SPECC1: variants seen among roughly 807,000 people sequenced by gnomAD.
SPECC1 encodes the protein sperm antigen with calponin homology and coiled-coil domains 1.
Under a neutral mutation model 104.1 loss-of-function variants are expected in SPECC1, and 62 were observed. The observed-to-expected ratio is 0.60, with a 90% CI of 0.49 to 0.74. The LOEUF is 0.74. SPECC1 is among the 30% of genes least tolerant of loss of function. The pLI, the probability that SPECC1 is intolerant of heterozygous loss-of-function variation, is 0.00. For missense variants in SPECC1, 1,306 were observed against 1,310.5 expected (o/e 1.00, Z 0.05); for synonymous variants, 513 against 501.6 (o/e 1.02, Z -0.30).
intron 3 of SPECC1, among the ~76,000 whole-genome samples, chr17:20,184,316 C>CTTTA (rs901830233): frequency 2.3e-4 from 35 of 152,112 alleles, no homozygotes; most frequent in African/African-American, 7.5e-4. Flanking sequence ...GTGTTTACAC[C>CTTTA]TTTATGTCAT....
chr17:20,267,474 T>C lies in SPECC1; in HGVS notation c.2940+7180T>C, dbSNP rs115627700. Among the ~76,000 whole-genome samples the C allele has an allele frequency of 9.9e-3, 1,502 of 152,236 alleles. 30 individuals carry two copies. Among genetic ancestry groups the C allele is most frequent in the African/African-American group, 0.034 (1,428 of 41,542 alleles). ...AGATAACCCCCATGACTCTCCATGG[T>C]AGAATGTCCTCCTCTTTATATGACA... On this transcript the variant is annotated intron_variant, in intron 12 of 14. Coordinates refer to ENST00000395527, the MANE Select transcript of SPECC1 (RefSeq NM_001243439.2).
At position 20,227,498 on chromosome 17, in the gene SPECC1, A is replaced by G; in HGVS notation, c.1949A>G (p.Lys650Arg). Reference sequence around the variant, plus strand: ...AGAACCAGCCTAAAGCTGCAAGAAAAAGCATCAGAGAGTGATGCAGAGATC... The same window carrying G: ...AGAACCAGCCTAAAGCTGCAAGAAAGAGCATCAGAGAGTGATGCAGAGATC... ...LSRTSLKLQEKASESDAEIKD... is the reference protein window; with the variant it reads ...LSRTSLKLQERASESDAEIKD... Residue 650 changes from lysine to arginine, a missense_variant, in exon 5 of 15, where the codon AAA (lysine) becomes AGA (arginine). Lys to Arg is a conservative substitution (Grantham distance 26). Around this residue, in one of 2 missense-constraint regions of SPECC1, gnomAD observed 1,177 missense variants for 1,139.9 expected, o/e 1.03. Coordinates refer to ENST00000395527, the MANE Select transcript of SPECC1 (RefSeq NM_001243439.2). 1.2e-6 allele frequency: 2 copies of G among 1,613,696 alleles called. No homozygotes were observed. The highest frequency in any genetic ancestry group is 1.7e-6 in the Non-Finnish European group (2 of 1,179,924).
chr17:20,177,885 T>G lies in SPECC1; in HGVS notation c.284-26448T>G, dbSNP rs557123158. Among the ~76,000 whole-genome samples, 21 of 152,126 alleles carry G rather than the reference T, an allele frequency of 1.4e-4. No individual in the cohort carries two copies. In the South Asian group the frequency reaches 4.4e-3, roughly 32 times the overall value. ...CCACCACGCCCGGCTAATTTTTGTA[T>G]TTTTACTAGAGACGGGGTTTCACCA... On this transcript the variant is annotated intron_variant, in intron 3 of 14. Coordinates refer to ENST00000395527, the MANE Select transcript of SPECC1 (RefSeq NM_001243439.2).
intron 4 of SPECC1, among the ~76,000 whole-genome samples, chr17:20,223,395 G>C (rs1598020996): frequency 6.6e-6 from 1 of 152,098 alleles, no homozygotes; most frequent in East Asian, 1.9e-4. Context: ...TTCAATCTCG[G>C]CCGGGTGCGG....
At chr17:20,094,071 A>T (rs1364956885) in intron 1 of SPECC1, among the ~76,000 whole-genome samples, 1 of 152,020 alleles carries the variant, frequency 6.6e-6, no homozygotes, top group Non-Finnish European at 1.5e-5. Context: ...GGATTTGAGG[A>T]GCAGTGTATG....
intron 3 of SPECC1, among the ~76,000 whole-genome samples, chr17:20,170,545 T>A (rs1597873626): frequency 6.6e-6 from 1 of 152,188 alleles, no homozygotes; most frequent in South Asian, 2.1e-4. Context: ...CAGGTATCAC[T>A]GGGACCTTGC....
At chr17:20,075,039 A>T (rs2046703396) in intron 1 of SPECC1, among the ~76,000 whole-genome samples, 1 of 151,998 alleles carries the variant, frequency 6.6e-6, no homozygotes, top group African/African-American at 2.4e-5. Context: ...AGTAGCTGAG[A>T]CTACAGGCGC....
intron 4 of SPECC1, among the ~76,000 whole-genome samples, chr17:20,211,235 T>G (rs1432795818): frequency 5.3e-5 from 8 of 152,180 alleles, no homozygotes; most frequent in African/African-American, 1.9e-4. Context: ...CATGGAGATT[T>G]CAGTCATCTT....
chr17:20,114,044 G>T (rs2152527104), intron 3 of SPECC1, among the ~76,000 whole-genome samples: 2 of 152,126 alleles, frequency 1.3e-5, no homozygotes, highest in Middle Eastern at 3.4e-3. Context: ...CCTACAGTGG[G>T]GAATGAGGAA....
At chr17:20,287,394 G>A (rs551618216) in intron 12 of SPECC1, among the ~76,000 whole-genome samples, 10 of 138,746 alleles carry the variant, frequency 7.2e-5, no homozygotes, top group Middle Eastern at 4.2e-3. Context: ...TCCGCAGTCC[G>A]GCCTGGGCGA....
At chr17:20,271,882 G>A (rs1284838272) in intron 12 of SPECC1, among the ~76,000 whole-genome samples, 3 of 151,458 alleles carry the variant, frequency 2.0e-5, no homozygotes, top group African/African-American at 7.3e-5. Flanking sequence ...GGTTTCTTTA[G>A]GTATAAGATT....
chr17:20,199,955 G>A (rs530660259), intron 3 of SPECC1, among the ~76,000 whole-genome samples: 1 of 152,140 alleles, frequency 6.6e-6, no homozygotes, highest in African/African-American at 2.4e-5. Flanking sequence ...CCACCGCCCG[G>A]CTAATTTTTG....
At chr17:20,056,847 A>T (rs1164261565) in intron 1 of SPECC1, among the ~76,000 whole-genome samples, 1 of 152,216 alleles carries the variant, frequency 6.6e-6, no homozygotes, top group African/African-American at 2.4e-5. Context: ...AAAATTAATT[A>T]TACTTGTTTT....
intron 12 of SPECC1, among the ~76,000 whole-genome samples, chr17:20,264,380 G>A (rs117096120): frequency 0.091 from 13,741 of 150,684 alleles, 791 homozygotes; most frequent in Non-Finnish European, 0.13. Flanking sequence ...TTCAACTCAG[G>A]CCTTCTTCCC....
rs1176585592 is a variant in SPECC1 at position 20,243,083 on chromosome 17, G to T, written c.2352-2843G>T. On this transcript the variant is annotated intron_variant, in intron 7 of 14. Coordinates refer to ENST00000395527, the MANE Select transcript of SPECC1 (RefSeq NM_001243439.2). ...AGTATGTGAGACTTCTGGAGAGTTG[G>T]TGTGTTTGTAAACAGTCATGTTTAC... 2.0e-5 allele frequency among the ~76,000 whole-genome samples: 3 copies of T among 152,128 alleles called. No individual in the cohort carries two copies. The East Asian group carries it at 5.8e-4, about 29-fold the overall frequency.
intron 12 of SPECC1, among the ~76,000 whole-genome samples, chr17:20,267,344 C>T (rs2040250270): frequency 6.6e-6 from 1 of 152,174 alleles, no homozygotes; most frequent in Non-Finnish European, 1.5e-5. Context: ...CTAGTTTAAG[C>T]TCCTAGTTTT....
intron 1 of SPECC1, chr17:20,057,801 C>T (rs1306791161): frequency 6.6e-6 from 1 of 152,024 alleles, no homozygotes; most frequent in Non-Finnish European, 1.5e-5. Flanking sequence ...CCAAGTGTTT[C>T]TATTTAGTTG....
At chr17:20,065,841 C>T (rs1445132881) in intron 1 of SPECC1, among the ~76,000 whole-genome samples, 1 of 152,136 alleles carries the variant, frequency 6.6e-6, no homozygotes, top group African/African-American at 2.4e-5. Context: ...CGTGAAAGGA[C>T]AGGAGAAGTT....
At chr17:20,216,717 T>G (rs1027840774) in intron 4 of SPECC1, among the ~76,000 whole-genome samples, 12 of 152,184 alleles carry the variant, frequency 7.9e-5, no homozygotes, top group African/African-American at 2.9e-4. Context: ...CTATTTATAG[T>G]GCAATTCCAC....
Sources: gnomAD v4.1 joint callset for allele counts (sites outside exome capture counted in the v4.1 genomes callset) on GRCh38, gnomAD v4.1.1 for gene constraint, gnomAD v4.1.1 regional missense constraint, MANE v1.5 for transcripts, NCBI Gene and HGNC (gene_info 2026-07-23, HGNC 2026-07-21) for gene names.